Variants in PLA2G6 observed in about 807,000 individuals in gnomAD.
PLA2G6 encodes the protein phospholipase A2 group VI, also known as 85/88 kDa calcium-independent phospholipase A2.
A neutral mutation model predicts 83.8 loss-of-function variants in PLA2G6; 62 were observed. That is an observed-to-expected ratio of 0.74 (90% confidence interval 0.60 to 0.91). PLA2G6 has a LOEUF of 0.91. Ranked by LOEUF, PLA2G6 falls within the 40% of genes least tolerant of loss-of-function variation. The pLI, the probability that PLA2G6 is intolerant of heterozygous loss-of-function variation, is 0.00. For synonymous variants in PLA2G6, 417 were observed against 449.8 expected (o/e 0.93, Z 0.92); for missense variants, 944 against 1,102.0 (o/e 0.86, Z 2.03).
At position 38,175,042 on chromosome 22, in the gene PLA2G6, G is replaced by T. The variant is rs1332758857; in HGVS notation, c.-45-5571C>A. ...CGAATTCCCTGAAGGACCCTGGGCA[G>T]GTCTCAGGCACGGGAGGAGCGGTCC... On this transcript the variant is annotated intron_variant, in intron 1 of 16. Transcript: ENST00000332509. Among the ~76,000 whole-genome samples the T allele has an allele frequency of 3.3e-5, 5 of 152,320 alleles. No homozygotes were observed. In the East Asian group the frequency reaches 9.7e-4, roughly 29 times the overall value.
At chr22:38,160,133 A>C (rs2089952011) in intron 2 of PLA2G6, among the ~76,000 whole-genome samples, 1 of 152,226 alleles carries the variant, frequency 6.6e-6, no homozygotes, top group Admixed American at 6.5e-5. Context: ...CTGTATCAAA[A>C]AGTGCTCAAC....
intron 12 of PLA2G6, among the ~76,000 whole-genome samples, chr22:38,119,793 C>A (rs1043827864): frequency 1.3e-5 from 2 of 151,822 alleles, no homozygotes; most frequent in Non-Finnish European, 2.9e-5. Context: ...AGCATGGGCC[C>A]CACAGCAAGA....
intron 3 of PLA2G6, chr22:38,144,825 CGTAACATAAA>C (rs1410294374): frequency 3.0e-5 from 5 of 169,006 alleles, no homozygotes; most frequent in Admixed American, 2.4e-4. Context: ...AATAACATAA[CGTAACATAAA>C]ATAAAATAAA....
chr22:38,115,566 C>T lies in PLA2G6; in HGVS notation c.1995G>A (p.Met665Ile). Residue 665 changes from methionine (M) to isoleucine (I), a missense_variant, in exon 14 of 17, where the codon ATG (methionine) becomes ATA (isoleucine). By Grantham distance (10) the Met-to-Ile change is conservative (BLOSUM62 1). Transcript: ENST00000332509. ...CCTGATTGTACTCATGGATCTCGGT[C>T]ATGGCATCCAGCGTGGGGTTGTTGG... ...LLANNPTLDA[M>I]TEIHEYNQDL... 5 of 1,613,622 alleles carry T rather than the reference C, an allele frequency of 3.1e-6. No individual in the cohort carries two copies. Among genetic ancestry groups the T allele is most frequent in the Non-Finnish European group, 4.2e-6 (5 of 1,179,934 alleles).
chr22:38,180,774 C>T (rs1166190663), intron 1 of PLA2G6, among the ~76,000 whole-genome samples: 1 of 152,144 alleles, frequency 6.6e-6, no homozygotes, highest in Admixed American at 6.5e-5. Context: ...GGCAGACTTA[C>T]GAGGGCAGGA....
intron 2 of PLA2G6, chr22:38,163,577 G>A (rs1023375937): frequency 5.9e-6 from 1 of 169,608 alleles, no homozygotes; most frequent in South Asian, 2.0e-4. Flanking sequence ...TTGGCCACAT[G>A]GGGGGTGCTG....
intron 12 of PLA2G6, among the ~76,000 whole-genome samples, chr22:38,120,147 T>C (rs1331546302): frequency 6.6e-6 from 1 of 152,220 alleles, no homozygotes; most frequent in African/African-American, 2.4e-5. Flanking sequence ...CCGAACGGGA[T>C]GCATTGCTTA....
chr22:38,129,697 C>T (rs2088092239), intron 7 of PLA2G6, 135 bp from the exon 8 acceptor site: 1 of 717,458 alleles, frequency 1.4e-6, no homozygotes, highest in Non-Finnish European at 2.6e-6. Flanking sequence ...CTGGAACCCT[C>T]CTCACCCCCA....
rs914919612 is a variant in PLA2G6 at position 38,113,639 on chromosome 22, C to T, written c.2050G>A (p.Val684Met). The change falls in exon 15 of 17, where the codon GTG becomes ATG. Residue 684 changes from valine to methionine, a missense_variant. Val to Met is a conservative substitution (Grantham distance 21). Transcript: ENST00000332509. ...DLIRKGQANK[V>M]KKLSIVVSLG... is the part of the protein sequence containing the mutation. ...GAGACAACGATGGAGAGTTTCTTCACCTTGTTGGCCTGACCCTGTTGGGAA... is the reference window on the plus strand; with the variant it reads ...GAGACAACGATGGAGAGTTTCTTCATCTTGTTGGCCTGACCCTGTTGGGAA... The T allele has an allele frequency of 9.9e-6, 16 of 1,613,690 alleles. No individual in the cohort carries two copies. The Admixed American group carries it at 2.3e-4, about 24-fold the overall frequency.
At chr22:38,165,797 A>G (rs132969) in intron 2 of PLA2G6, among the ~76,000 whole-genome samples, 17,686 of 152,114 alleles carry the variant, frequency 0.12, 1,250 homozygotes, top group African/African-American at 0.18. Context: ...GGAGAATGGC[A>G]TGAACCCAGG....
Position 38,132,140 on chromosome 22 carries a change from A to T in PLA2G6, c.1077+691T>A. 2.2e-6 allele frequency: 1 copy of T among 455,900 alleles called. No individual in the cohort carries two copies. Among genetic ancestry groups the T allele is most frequent in the Non-Finnish European group, 4.4e-6 (1 of 226,818 alleles). 28.2% of individuals were successfully genotyped at this position (455,900 alleles called of 1,614,324 possible). ...GAAAAAAAAGAATACATGCACACAC[A>T]TATGTCTGTAACACAGTAACGTCCT... On this transcript the variant is annotated intron_variant, in intron 7 of 16. Coordinates refer to ENST00000332509, the MANE Select transcript of PLA2G6 (RefSeq NM_003560.4). This position sits in a 1 kb window ranked among gnomAD's most constrained non-coding sequence, Gnocchi z 5.0.
intron 4 of PLA2G6, 53 bp from the exon 5 acceptor site, chr22:38,140,222 A>C: frequency 6.4e-7 from 1 of 1,565,434 alleles, no homozygotes; most frequent in Non-Finnish European, 8.8e-7. Flanking sequence ...TAAGAACGTA[A>C]AGAGGCCGGG....
At position 38,140,487 on chromosome 22, in the gene PLA2G6, A is replaced by G. The variant is rs151337053; in HGVS notation, c.610-318T>C. Reference sequence around the variant, plus strand: ...TGCATCATTGCACTCTAGCCTGGGCAATAGAGCAAAAACTCTGTCTAAAAA... The same window carrying G: ...TGCATCATTGCACTCTAGCCTGGGCGATAGAGCAAAAACTCTGTCTAAAAA... On this transcript the variant is annotated intron_variant, in intron 4 of 16. Transcript: ENST00000332509. 2.1e-5 allele frequency: 7 copies of G among 327,642 alleles called. No homozygotes were observed. In the East Asian group the frequency reaches 5.3e-4, roughly 25 times the overall value. The allele number at this position is 327,642 out of a possible 1,614,324, so 20.3% of individuals were successfully genotyped here.
intron 1 of PLA2G6, chr22:38,180,486 T>A (rs1054014504): frequency 6.6e-6 from 1 of 152,172 alleles, no homozygotes; most frequent in African/African-American, 2.4e-5. Flanking sequence ...TCCGTAAATA[T>A]TTGTTAGATA....
chr22:38,114,706 T>C (rs1295740338), intron 14 of PLA2G6, among the ~76,000 whole-genome samples: 1 of 152,196 alleles, frequency 6.6e-6, no homozygotes, highest in African/African-American at 2.4e-5. Context: ...GAGCCTCTGC[T>C]GCGCTGCCCA....
intron 2 of PLA2G6, among the ~76,000 whole-genome samples, chr22:38,167,223 G>C (rs1181654353): frequency 9.4e-6 from 1 of 106,876 alleles, no homozygotes; most frequent in Non-Finnish European, 1.8e-5. Flanking sequence ...GCGAGACTCT[G>C]TCTCAAAAAA....
chr22:38,135,650 G>T (rs1395980699), intron 5 of PLA2G6: 1 of 152,888 alleles, frequency 6.5e-6, no homozygotes, highest in Non-Finnish European at 1.5e-5. Flanking sequence ...GAGGCCCCGG[G>T]TTCACAAGCC....
rs537531089 is a variant in PLA2G6 at position 38,123,405 on chromosome 22, C to T, written c.1428-147G>A. ...GGAACTTCTGTCCTATGCAGGACAGCGAGGGTGGGGGTGAGGGCAGTAAAG... is the reference window on the plus strand; with the variant it reads ...GGAACTTCTGTCCTATGCAGGACAGTGAGGGTGGGGGTGAGGGCAGTAAAG... On this transcript the variant is annotated intron_variant, in intron 10 of 16. Transcript: ENST00000332509. This position sits in a 1 kb window ranked among gnomAD's most constrained non-coding sequence, Gnocchi z 4.1. The T allele has an allele frequency of 2.7e-5, 22 of 801,058 alleles. No individual in the cohort carries two copies. The highest frequency in any genetic ancestry group is 1.9e-4 in the African/African-American group (11 of 58,976). The allele number at this position is 801,058 out of a possible 1,614,324, so 49.6% of individuals were successfully genotyped here.
chr22:38,179,187 C>T (rs1183550169), intron 1 of PLA2G6, among the ~76,000 whole-genome samples: 4 of 152,158 alleles, frequency 2.6e-5, no homozygotes, highest in Admixed American at 2.6e-4. Context: ...GGGGCTGGAA[C>T]ATGTTTAGCG....
Sources: gnomAD v4.1 joint callset for allele counts (sites outside exome capture counted in the v4.1 genomes callset) on GRCh38, gnomAD v4.1.1 for gene constraint, Gnocchi (gnomAD v3.1) non-coding constraint, MANE v1.5 for transcripts, NCBI Gene and HGNC (gene_info 2026-07-23, HGNC 2026-07-21) for gene names.